Variants in SH3KBP1 observed in about 807,000 individuals in gnomAD.
SH3KBP1 encodes SH3 domain-containing kinase-binding protein 1.
SH3KBP1 carries 8 observed loss-of-function variants against 50.1 expected under a neutral mutation model. The ratio of observed to expected loss-of-function variants is 0.16; its 90% CI spans 0.09 to 0.29. The LOEUF is 0.29. Among genes scored for constraint, SH3KBP1 ranks in the 10% least tolerant of loss-of-function variants. The pLI, the probability that SH3KBP1 is intolerant of heterozygous loss-of-function variation, is 1.00. For synonymous variants in SH3KBP1, 227 were observed against 218.6 expected (o/e 1.04, Z -0.34); for missense variants, 377 against 535.2 (o/e 0.70, Z 2.92).
intron 3 of SH3KBP1, among the ~76,000 whole-genome samples, chrX:19,713,503 C>T (rs2063828772): frequency 9.2e-6 from 1 of 109,056 alleles, no homozygotes; most frequent in Admixed American, 9.8e-5. Flanking sequence ...CTCAAGTGAT[C>T]CTCCTGCCTC....
chrX:19,839,749 C>T (rs1186891779), intron 1 of SH3KBP1, among the ~76,000 whole-genome samples: 1 of 112,456 alleles, frequency 8.9e-6, no homozygotes, highest in Non-Finnish European at 1.9e-5. Flanking sequence ...GCCCCTGCCA[C>T]TGAGGCAATC....
At chrX:19,648,415 T>G (rs2062040373) in intron 6 of SH3KBP1, among the ~76,000 whole-genome samples, 3 of 67,190 alleles carry the variant, frequency 4.5e-5, no homozygotes, top group Admixed American at 2.2e-4. Context: ...GTTAGAAAGA[T>G]GAAGGAAGGA....
At chrX:19,657,190 A>G (rs774638394) in intron 6 of SH3KBP1, among the ~76,000 whole-genome samples, 2 of 109,802 alleles carry the variant, frequency 1.8e-5, no homozygotes, top group African/African-American at 6.6e-5. Context: ...CAGCCTGGGC[A>G]ACACAGTAAG....
At chrX:19,559,703 C>A (rs1214875519) in intron 13 of SH3KBP1, among the ~76,000 whole-genome samples, 1 of 111,374 alleles carries the variant, frequency 9.0e-6, no homozygotes, top group African/African-American at 3.3e-5. Flanking sequence ...AAAAACCAGA[C>A]CGTAGTCTAG....
At chrX:19,641,797 T>C (rs1443389141) in intron 7 of SH3KBP1, among the ~76,000 whole-genome samples, 1 of 111,889 alleles carries the variant, frequency 8.9e-6, no homozygotes, top group East Asian at 2.8e-4. Context: ...TATACAGGTA[T>C]ATGTACACTT....
intron 12 of SH3KBP1, among the ~76,000 whole-genome samples, chrX:19,577,552 G>A (rs1477775880): frequency 2.7e-5 from 3 of 111,191 alleles, no homozygotes; most frequent in African/African-American, 9.8e-5. Flanking sequence ...GTGCACAGAC[G>A]GCAATGTGGA....
chrX:19,774,654 A>AAAAGAAAG (rs3999801), intron 2 of SH3KBP1, among the ~76,000 whole-genome samples: 7,022 of 77,068 alleles, frequency 0.091, 382 homozygotes, highest in Middle Eastern at 0.12. Context: ...GTCTCAAAAA[A>AAAAGAAAG]AAAGAAAGAA....
intron 6 of SH3KBP1, among the ~76,000 whole-genome samples, chrX:19,673,544 C>G (rs1046703564): frequency 1.1e-4 from 12 of 111,248 alleles, no homozygotes; most frequent in Non-Finnish European, 1.3e-4. Flanking sequence ...ATGAGGTGGG[C>G]CCATCTGCCC....
At chrX:19,738,827 A>G (rs1403209016) in intron 3 of SH3KBP1, among the ~76,000 whole-genome samples, 1 of 108,084 alleles carries the variant, frequency 9.3e-6, no homozygotes, top group African/African-American at 3.4e-5. Flanking sequence ...CCTGACCAAC[A>G]TGGCGAAATC....
At chrX:19,536,757 G>A (rs1256845547) in intron 17 of SH3KBP1, among the ~76,000 whole-genome samples, 1 of 111,996 alleles carries the variant, frequency 8.9e-6, no homozygotes, top group Non-Finnish European at 1.9e-5. Flanking sequence ...AGAGCAGGCG[G>A]TCCTAACAGG....
intron 8 of SH3KBP1, among the ~76,000 whole-genome samples, chrX:19,625,333 A>T (rs2067982447): frequency 9.2e-6 from 1 of 108,341 alleles, no homozygotes; most frequent in Non-Finnish European, 1.9e-5. Flanking sequence ...TCCCGCCTGC[A>T]TTTTTTTTTG....
At chrX:19,848,887 C>T (rs1448785568) in intron 1 of SH3KBP1, among the ~76,000 whole-genome samples, 1 of 111,506 alleles carries the variant, frequency 9.0e-6, no homozygotes, top group Non-Finnish European at 1.9e-5. Flanking sequence ...GATCCTCCTG[C>T]CTCATCCTCT....
intron 1 of SH3KBP1, among the ~76,000 whole-genome samples, chrX:19,847,219 T>G (rs1353035803): frequency 9.0e-6 from 1 of 111,524 alleles, no homozygotes; most frequent in East Asian, 2.8e-4. Context: ...AGATTTAATG[T>G]CCCATCTCAG....
intron 13 of SH3KBP1, among the ~76,000 whole-genome samples, chrX:19,565,092 G>A (rs770247758): frequency 1.8e-3 from 136 of 76,900 alleles, no homozygotes; most frequent in African/African-American, 8.0e-3. Context: ...GCGAAGTCTC[G>A]CTCTTGTCCC....
At chrX:19,711,850 A>G (rs1403223011) in intron 3 of SH3KBP1, among the ~76,000 whole-genome samples, 1 of 111,596 alleles carries the variant, frequency 9.0e-6, no homozygotes, top group Non-Finnish European at 1.9e-5. Context: ...CATTTTCTAC[A>G]GGTATGGCCT....
chrX:19,746,189 A>G, intron 3 of SH3KBP1, 129 bp downstream of exon 3: 1 of 775,472 alleles, frequency 1.3e-6, no homozygotes, highest in Admixed American at 3.0e-5. Context: ...TGTATCCAAA[A>G]TATATACCAA....
chrX:19,734,736 G>A (rs1471653012), intron 3 of SH3KBP1, among the ~76,000 whole-genome samples: 1 of 111,847 alleles, frequency 8.9e-6, no homozygotes, highest in African/African-American at 3.2e-5. Flanking sequence ...TCTATCTCTA[G>A]GGATTTGCTT....
intron 3 of SH3KBP1, among the ~76,000 whole-genome samples, chrX:19,724,588 T>C (rs893293149): frequency 2.7e-5 from 3 of 112,245 alleles, no homozygotes; most frequent in Non-Finnish European, 3.8e-5. Context: ...AAAACAACCA[T>C]AGACCACACA....
chrX:19,741,634 C>T (rs1326465190), intron 3 of SH3KBP1, among the ~76,000 whole-genome samples: 1 of 111,918 alleles, frequency 8.9e-6, no homozygotes, highest in Non-Finnish European at 1.9e-5. Flanking sequence ...GGAGTGGCTT[C>T]ACATTCAGAA....
Sources: gnomAD v4.1 joint callset for allele counts (sites outside exome capture counted in the v4.1 genomes callset) on GRCh38, gnomAD v4.1.1 for gene constraint, MANE v1.5 for transcripts, NCBI Gene and HGNC (gene_info 2026-07-23, HGNC 2026-07-21) for gene names.